CERS2: variants seen among roughly 807,000 people sequenced by gnomAD.
CERS2 encodes the protein ceramide synthase 2, also known as LAG1 homolog, ceramide synthase 2.
Under a neutral mutation model 56.6 loss-of-function variants are expected in CERS2, and 20 were observed. That is an observed-to-expected ratio of 0.35 (90% CI 0.25 to 0.51). The LOEUF is 0.51. Ranked by LOEUF, CERS2 falls within the 20% of genes least tolerant of loss-of-function variation. CERS2 has a pLI of 0.96. For missense variants in CERS2, 361 were observed against 488.6 expected (o/e 0.74, Z 2.46); for synonymous variants, 187 against 175.4 (o/e 1.07, Z -0.52).
chr1:150,967,074 C>T lies in CERS2; in HGVS notation c.741G>A (p.Glu247=). The stretch of plus-strand genomic sequence containing the variant: ...GTCTCTAGATTTGAGGAAGCCTGAC[C>T]TCCAGCAGGTAATCGGAAGAGTCAT... ...ALHDSSDYLL[E]SAKMFNYAGW... The change falls in exon 8 of 11, where the codon GAG becomes GAA. Residue 247 remains glutamate, a splice_region_variant and synonymous_variant. Coordinates refer to ENST00000368954, the MANE Select transcript of CERS2 (RefSeq NM_022075.5). The T allele has an allele frequency of 6.2e-7, 1 of 1,614,070 alleles. No homozygotes were observed. The highest frequency in any genetic ancestry group is 8.5e-7 in the Non-Finnish European group (1 of 1,179,978).
In CERS2 at chr1:150,967,445, G is replaced by A; in HGVS notation, c.559C>T (p.Leu187Phe). The A allele has an allele frequency of 1.2e-6, 2 of 1,602,458 alleles. No individual in the cohort carries two copies. The highest frequency in any genetic ancestry group is 1.7e-6 in the Non-Finnish European group (2 of 1,169,422). ...AAGAGCAGGGACCAGTAGAAGGAAA[G>A]TTCAATCATGTAGTACCAATACTGG... ...PSQYWYYMIE[L>F]SFYWSLLFSI... Residue 187 changes from leucine to phenylalanine, a missense_variant, in exon 7 of 11, where the codon CTT (leucine) becomes TTT (phenylalanine). By Grantham distance (22) the Leu-to-Phe change is conservative. Around this residue, in one of 3 missense-constraint regions of CERS2, gnomAD observed 236 missense variants for 309.2 expected, o/e 0.76. Coordinates refer to ENST00000368954, the MANE Select transcript of CERS2 (RefSeq NM_022075.5).
Position 150,968,926 on chromosome 1 carries a change from G to C in CERS2, c.165C>G (p.Phe55Leu). Residue 55 changes from phenylalanine (F) to leucine (L), a missense_variant, in exon 2 of 11, where the codon TTC becomes TTG. Phe to Leu is a conservative substitution (Grantham distance 22, BLOSUM62 0). This residue lies in a region of CERS2 where 236 missense variants were observed against 309.2 expected (regional missense o/e 0.76). Transcript: ENST00000368954. Reference protein sequence around the residue: ...LALLFLIVRYFFELYVATPLA... With the variant: ...LALLFLIVRYLFELYVATPLA... ...TAGGCTGGCATGCTTACAGCTCAAA[G>C]AAGTATCGAACGATGAGGAAGAGCA... 6.2e-7 allele frequency: 1 copy of C among 1,613,308 alleles called. No individual in the cohort carries two copies. The highest frequency in any genetic ancestry group is 1.8e-4 in the Middle Eastern group (1 of 5,498).
intron 3 of CERS2, 43 bp from the exon 4 acceptor site, chr1:150,968,244 A>T: frequency 6.3e-7 from 1 of 1,581,980 alleles, no homozygotes; most frequent in Non-Finnish European, 8.7e-7. Context: ...TACCTTCGGA[A>T]CTCAGCAGCA....
At chr1:150,972,549 C>T (rs1404017032) in intron 1 of CERS2, among the ~76,000 whole-genome samples, 1 of 152,200 alleles carries the variant, frequency 6.6e-6, no homozygotes, top group Admixed American at 6.5e-5. Flanking sequence ...AGGAGACAAC[C>T]CTGTTTTTCC....
At chr1:150,966,706 A>C in intron 9 of CERS2, 50 bp downstream of exon 9, 1 of 1,599,112 alleles carries the variant, frequency 6.3e-7, no homozygotes, top group Non-Finnish European at 8.6e-7. Context: ...GAAGAAAGGC[A>C]AGGCTCCTGA....
rs587693441 is a variant in CERS2, at chr1:150,965,611, G to A, written c.*537C>T. ...ACTTTTTGGCAGAGGTAGGGTAAGGGTTATGTGCACCCTCCTCCTACCCTC... is the reference window on the plus strand; with the variant it reads ...ACTTTTTGGCAGAGGTAGGGTAAGGATTATGTGCACCCTCCTCCTACCCTC... On this transcript the variant is annotated 3_prime_UTR_variant, in exon 11 of 11. Coordinates refer to ENST00000368954, the MANE Select transcript of CERS2 (RefSeq NM_022075.5). 5.2e-5 allele frequency: 8 copies of A among 153,470 alleles called. No individual in the cohort carries two copies. Among genetic ancestry groups the A allele is most frequent in the South Asian group, 2.1e-4 (1 of 4,862 alleles). The allele number at this position is 153,470 out of a possible 1,614,324, so 9.5% of individuals were successfully genotyped here. A position where few individuals can be genotyped will look rare whatever the true frequency, so the allele number is the denominator to read the frequency against.
In CERS2 at chr1:150,965,751, G is replaced by A. The variant is rs1670990654; in HGVS notation, c.*397C>T. 6.0e-6 allele frequency: 1 copy of A among 165,448 alleles called. No individual in the cohort carries two copies. Among genetic ancestry groups the A allele is most frequent in the Non-Finnish European group, 1.3e-5 (1 of 77,056 alleles). 10.2% of individuals were successfully genotyped at this position (165,448 alleles called of 1,614,324 possible). A position where few individuals can be genotyped will look rare whatever the true frequency, so the allele number is the denominator to read the frequency against. On this transcript the variant is annotated 3_prime_UTR_variant, in exon 11 of 11. Transcript: ENST00000368954. ...CAGCTTTGGCAGAATGAGGCCCACAGATGGGACAATAAGGCACAACCCTGG... is the reference window on the plus strand; with the variant it reads ...CAGCTTTGGCAGAATGAGGCCCACAAATGGGACAATAAGGCACAACCCTGG...
At chr1:150,972,122 G>T (rs985545997) in intron 1 of CERS2, among the ~76,000 whole-genome samples, 1 of 152,130 alleles carries the variant, frequency 6.6e-6, no homozygotes, top group South Asian at 2.1e-4. Context: ...ACAGACACCT[G>T]GGCAGTGCAA....
At chr1:150,971,735 G>A in intron 1 of CERS2, 1 of 367,004 alleles carries the variant, frequency 2.7e-6, no homozygotes, top group Non-Finnish European at 5.7e-6. Context: ...GACAAGGGTA[G>A]AAAATGCACA....
intron 1 of CERS2, chr1:150,971,789 CCT>C (rs1671187056): frequency 2.1e-6 from 1 of 466,700 alleles, no homozygotes; most frequent in Non-Finnish European, 4.5e-6. Flanking sequence ...CACATGGCCC[CCT>C]CTTCCCACTT....
At position 150,965,402 on chromosome 1, in the gene CERS2, T is replaced by C. The variant is rs1398907022; in HGVS notation, c.*746A>G. ...TAAAACCAAAACCCCAAATATTTAA[T>C]AAATAAAAATTAGAATTAGTTGCCA... is the stretch of plus-strand genomic sequence containing the variant. On this transcript the variant is annotated 3_prime_UTR_variant, in exon 11 of 11. Coordinates refer to ENST00000368954, the MANE Select transcript of CERS2 (RefSeq NM_022075.5). The C allele has an allele frequency of 6.6e-6, 1 of 152,504 alleles. No individual in the cohort carries two copies. The highest frequency in any genetic ancestry group is 1.9e-4 in the East Asian group (1 of 5,194). 9.4% of individuals were successfully genotyped at this position (152,504 alleles called of 1,614,324 possible).
chr1:150,967,407 A>G lies in CERS2; in HGVS notation c.597T>C (p.Ser199=), dbSNP rs78875607. 17,493 of 1,598,534 alleles carry G rather than the reference A, an allele frequency of 0.011. 113 individuals are homozygous for G. Among genetic ancestry groups the G allele is most frequent in the Middle Eastern group, 0.013 (76 of 6,002 alleles). The change falls in exon 7 of 11, where the codon TCT becomes TCC. Residue 199 remains serine (S), a synonymous_variant. Transcript: ENST00000368954. The part of the protein sequence containing the change: ...FYWSLLFSIA[S]DVKRKDFKEQ... ...CTTCACCCACCTTTCGCTTGACATC[A>G]GAGGCAATGCTGAAGAGCAGGGACC...
In CERS2 at chr1:150,966,590, A is replaced by G. The variant is rs1671023774; in HGVS notation, c.888T>C (p.Tyr296=). ...HCTLVYPLEL[Y]PAFFGYYFFN... ...AGAAGTAATAGCCAAAGAAGGCAGG[A>G]TAGAGCTCCAGTGGGTACACCAGGG... The change falls in exon 10 of 11, where the codon TAT becomes TAC. Residue 296 remains tyrosine, a synonymous_variant. Coordinates refer to ENST00000368954, the MANE Select transcript of CERS2 (RefSeq NM_022075.5). 6.2e-7 allele frequency: 1 copy of G among 1,613,988 alleles called. No individual in the cohort carries two copies. The highest frequency in any genetic ancestry group is 1.7e-5 in the Admixed American group (1 of 59,984).
At chr1:150,968,245 C>A (rs1671079897) in intron 3 of CERS2, 44 bp from the exon 4 acceptor site, 4 of 1,582,256 alleles carry the variant, frequency 2.5e-6, no homozygotes, top group South Asian at 1.1e-5. Context: ...ACCTTCGGAA[C>A]TCAGCAGCAT....
intron 2 of CERS2, among the ~76,000 whole-genome samples, 179 bp from the exon 3 acceptor site, chr1:150,968,691 G>A (rs201470993): frequency 6.2e-4 from 95 of 152,262 alleles, no homozygotes; most frequent in South Asian, 5.2e-3. Flanking sequence ...CCAGGCGGGC[G>A]GCGGGTAGAG....
intron 2 of CERS2, 140 bp downstream of exon 2, chr1:150,968,778 A>G: frequency 1.2e-6 from 1 of 804,808 alleles, no homozygotes; most frequent in Non-Finnish European, 2.0e-6. Flanking sequence ...CCTTCAGGGG[A>G]GGGGGTGCAC....
chr1:150,968,543 CT>C (rs771944115), intron 2 of CERS2, 31 bp from the exon 3 acceptor site: 31 of 1,538,422 alleles, frequency 2.0e-5, no homozygotes, highest in Middle Eastern at 3.4e-4. Flanking sequence ...AGGTATCTAG[CT>C]TGCTGGGAAG....
At position 150,965,951 on chromosome 1, in the gene CERS2, A is replaced by T. The variant is rs2102765169; in HGVS notation, c.*197T>A. 1.8e-6 allele frequency: 1 copy of T among 560,566 alleles called. No homozygotes were observed. 34.7% of individuals were successfully genotyped at this position (560,566 alleles called of 1,614,324 possible). Reference sequence around the variant, plus strand: ...CGTCCCCCTCTAACAGAATATAACCAACGTCCCCCTACCTGGGGATAGGCT... The same window carrying T: ...CGTCCCCCTCTAACAGAATATAACCTACGTCCCCCTACCTGGGGATAGGCT... On this transcript the variant is annotated 3_prime_UTR_variant, in exon 11 of 11. Transcript: ENST00000368954.
chr1:150,971,769 T>G (rs1304051778), intron 1 of CERS2: 2 of 453,942 alleles, frequency 4.4e-6, no homozygotes, highest in East Asian at 1.4e-4. Flanking sequence ...GCGGAACACT[T>G]TGATGTGTGC....
Sources: allele counts gnomAD v4.1 joint callset (sites outside exome capture counted in the v4.1 genomes callset), GRCh38; gene constraint gnomAD v4.1.1; regional missense constraint gnomAD v4.1.1; transcripts MANE v1.5; gene names NCBI Gene and HGNC (gene_info 2026-07-23, HGNC 2026-07-21).